CSMD3: variants seen among roughly 807,000 people sequenced by gnomAD.
The protein encoded by CSMD3 is CUB and Sushi multiple domains 3.
A neutral mutation model predicts 435.2 loss-of-function variants in CSMD3; 177 were observed. The ratio of observed to expected loss-of-function variants is 0.41; its 90% CI spans 0.36 to 0.46. The LOEUF (loss-of-function observed/expected upper bound fraction) is 0.46, where lower values mean the gene tolerates loss of function less well. CSMD3 is among the 20% of genes least tolerant of loss of function. The probability of loss-of-function intolerance (pLI) is 0.34; values close to 1 mark genes in which losing one functional copy is unlikely to be tolerated. For missense variants in CSMD3, 4,265 were observed against 4,504.6 expected (o/e 0.95, Z 1.52); for synonymous variants, 1,656 against 1,520.5 (o/e 1.09, Z -2.07).
At chr8:112,792,713 T>C (rs144768559) in intron 13 of CSMD3, among the ~76,000 whole-genome samples, 2 of 152,294 alleles carry the variant, frequency 1.3e-5, no homozygotes, top group African/African-American at 4.8e-5. Flanking sequence ...TGCAAGTTGA[T>C]TATTGTATAT....
intron 69 of CSMD3, among the ~76,000 whole-genome samples, chr8:112,229,205 G>A (rs1161859361): frequency 6.6e-6 from 1 of 152,138 alleles, no homozygotes; most frequent in African/African-American, 2.4e-5. Context: ...TGGTCAATGT[G>A]CTTTAGAAAG....
chr8:112,264,348 T>C (rs1816733909), intron 60 of CSMD3, among the ~76,000 whole-genome samples: 1 of 152,176 alleles, frequency 6.6e-6, no homozygotes, highest in African/African-American at 2.4e-5. Flanking sequence ...TATAAATGCA[T>C]TTTTAATTTT....
At chr8:113,098,017 A>C (rs1262498408) in intron 5 of CSMD3, among the ~76,000 whole-genome samples, 1 of 152,014 alleles carries the variant, frequency 6.6e-6, no homozygotes, top group Admixed American at 6.6e-5. Flanking sequence ...CAGCGAATCG[A>C]GTCCCTCTTC....
chr8:113,021,527 A>G (rs1016341665), intron 5 of CSMD3, among the ~76,000 whole-genome samples: 14 of 152,190 alleles, frequency 9.2e-5, no homozygotes, highest in African/African-American at 3.4e-4. Context: ...GGAGGTGTGT[A>G]ATACACCAAA....
In CSMD3 at chr8:112,255,299, A is replaced by G; in HGVS notation, c.9991T>C (p.Cys3331Arg). ...CCACTCCAAGTGCCATCTGCTTGAC[A>G]TATTCTGGTGCTTGATCCCACTAAT... ...FILVGSSTRI[C>R]QADGTWSGSS... The change falls in exon 62 of 71, where the codon TGT (cysteine) becomes CGT (arginine). Residue 3331 changes from cysteine to arginine, a missense_variant. Transcript: ENST00000297405. The G allele has an allele frequency of 1.2e-6, 2 of 1,613,740 alleles. No individual in the cohort carries two copies. The highest frequency in any genetic ancestry group is 1.7e-6 in the Non-Finnish European group (2 of 1,179,758).
chr8:113,425,681 AT>A (rs2130000258), intron 1 of CSMD3, among the ~76,000 whole-genome samples: 1 of 151,684 alleles, frequency 6.6e-6, no homozygotes, highest in African/African-American at 2.4e-5. Context: ...CTTTAAAAAG[AT>A]TAAACAAATA....
At chr8:113,345,383 TAACA>T (rs2094145191) in intron 1 of CSMD3, among the ~76,000 whole-genome samples, 1 of 152,136 alleles carries the variant, frequency 6.6e-6, no homozygotes, top group South Asian at 2.1e-4. Flanking sequence ...TTTTAGACAT[TAACA>T]TTTTTCTAAA....
At chr8:112,532,393 A>C (rs1446646763) in intron 27 of CSMD3, among the ~76,000 whole-genome samples, 1 of 152,214 alleles carries the variant, frequency 6.6e-6, no homozygotes, top group African/African-American at 2.4e-5. Flanking sequence ...AGTCAATCAA[A>C]ATAACACTAT....
chr8:112,631,048 G>A (rs1026960315), intron 22 of CSMD3, among the ~76,000 whole-genome samples: 2 of 151,486 alleles, frequency 1.3e-5, no homozygotes, highest in Non-Finnish European at 2.9e-5. Context: ...TACATTATGA[G>A]TTTAATAAAT....
chr8:112,680,687 G>T (rs897476445), intron 16 of CSMD3, among the ~76,000 whole-genome samples: 2 of 152,072 alleles, frequency 1.3e-5, no homozygotes, highest in Non-Finnish European at 2.9e-5. Flanking sequence ...AAAGCAGTTA[G>T]TAGTAAAAAG....
intron 59 of CSMD3, among the ~76,000 whole-genome samples, chr8:112,272,246 G>A (rs777133275): frequency 2.6e-5 from 4 of 152,080 alleles, no homozygotes; most frequent in Middle Eastern, 3.4e-3. Context: ...TAAGACATTC[G>A]GGTTTTCTAA....
At chr8:112,791,869 C>T (rs752839834) in intron 13 of CSMD3, among the ~76,000 whole-genome samples, 2 of 152,054 alleles carry the variant, frequency 1.3e-5, no homozygotes, top group Admixed American at 6.6e-5. Context: ...CCAGTTATTC[C>T]GCTTCCTTGC....
At chr8:112,652,725 T>C (rs991925984) in intron 18 of CSMD3, among the ~76,000 whole-genome samples, 4 of 152,046 alleles carry the variant, frequency 2.6e-5, no homozygotes, top group African/African-American at 9.7e-5. Context: ...ATTGAGAAAA[T>C]GAGAAACATC....
intron 27 of CSMD3, among the ~76,000 whole-genome samples, chr8:112,520,120 T>A (rs1412438930): frequency 6.6e-6 from 1 of 152,088 alleles, no homozygotes; most frequent in Non-Finnish European, 1.5e-5. Context: ...GGTTCTATTG[T>A]TATATATCAA....
chr8:113,015,126 A>G (rs1011301747), intron 6 of CSMD3, among the ~76,000 whole-genome samples: 4 of 152,118 alleles, frequency 2.6e-5, no homozygotes, highest in Non-Finnish European at 5.9e-5. Flanking sequence ...TGGATGAACT[A>G]TGCCAAAGTT....
intron 3 of CSMD3, among the ~76,000 whole-genome samples, chr8:113,231,991 A>C (rs1171216940): frequency 4.0e-5 from 6 of 151,608 alleles, no homozygotes; most frequent in Non-Finnish European, 8.9e-5. Context: ...AACTCTTTAT[A>C]AGACTTTTTT....
Position 112,563,058 on chromosome 8 carries a change from G to A in CSMD3, c.4043-6104C>T, listed in dbSNP as rs778243193. 6.6e-5 allele frequency among the ~76,000 whole-genome samples: 10 copies of A among 151,586 alleles called. No individual in the cohort carries two copies. The East Asian group carries it at 7.8e-4, about 12-fold the overall frequency. ...TCAACTGTGCCACCTCAGAATTCAC[G>A]AACAGGGAATACTTCAAGATAACAA... On this transcript the variant is annotated intron_variant, in intron 24 of 70. Coordinates refer to ENST00000297405, the MANE Select transcript of CSMD3 (RefSeq NM_198123.2).
chr8:112,389,872 T>C (rs565615117), intron 36 of CSMD3, among the ~76,000 whole-genome samples: 20 of 152,318 alleles, frequency 1.3e-4, no homozygotes, highest in African/African-American at 3.1e-4. Flanking sequence ...TATATCTTTA[T>C]GTAAAACAGA....
At chr8:112,665,025 T>C (rs1349625826) in intron 17 of CSMD3, among the ~76,000 whole-genome samples, 2 of 152,156 alleles carry the variant, frequency 1.3e-5, no homozygotes, top group East Asian at 1.9e-4. Context: ...CTGTATACTT[T>C]GAATTCCCGC....
Sources: allele counts gnomAD v4.1 joint callset (sites outside exome capture counted in the v4.1 genomes callset), GRCh38; gene constraint gnomAD v4.1.1; transcripts MANE v1.5; gene names NCBI Gene and HGNC (gene_info 2026-07-23, HGNC 2026-07-21).